The following TECPR2 variants were observed in gnomAD, a reference collection of about 807,000 sequenced individuals.
TECPR2 encodes tectonin beta-propeller repeat-containing protein 2.
TECPR2 carries 65 observed loss-of-function variants against 138.1 expected under a neutral mutation model. That is an observed-to-expected ratio of 0.47 (90% CI 0.39 to 0.58). The LOEUF is 0.58. Among genes scored for constraint, TECPR2 ranks in the 20% least tolerant of loss-of-function variants. The pLI is 0.00. For synonymous variants in TECPR2, 746 were observed against 749.8 expected (o/e 0.99, Z 0.08); for missense variants, 1,553 against 1,824.5 (o/e 0.85, Z 2.71).
At position 102,497,015 on chromosome 14, in the gene TECPR2, C is replaced by G. The variant is rs1353847125; in HGVS notation, c.3826C>G (p.Pro1276Ala). 6.2e-7 allele frequency: 1 copy of G among 1,613,972 alleles called. No individual in the cohort carries two copies. Among genetic ancestry groups the G allele is most frequent in the African/African-American group, 1.3e-5 (1 of 74,928 alleles). The part of the protein sequence containing the change: ...GVSLVSVHSS[P>A]NDQMLWVLDS... Reference sequence around the variant, plus strand: ...CAGCTTGGTCAGCGTCCATTCCAGCCCCAACGACCAGATGCTGTGGGTGCT... The same window carrying G: ...CAGCTTGGTCAGCGTCCATTCCAGCGCCAACGACCAGATGCTGTGGGTGCT... Residue 1276 changes from proline to alanine, a missense_variant, in exon 18 of 20, where the codon CCC becomes GCC. Physicochemically the swap from Pro to Ala is conservative, Grantham distance 27 (BLOSUM62 -1). Coordinates refer to ENST00000359520, the MANE Select transcript of TECPR2 (RefSeq NM_014844.5).
rs1415171184 is a variant in TECPR2, at chr14:102,415,027, C to T, written c.638+234C>T. ...GAGCTGTAGGAGCCTGCACACACAG[C>T]CACTCTGCCTCTCAGGGTGCCACAG... On this transcript the variant is annotated intron_variant, in intron 5 of 19. Transcript: ENST00000359520. This position sits in a 1 kb window ranked among gnomAD's most constrained non-coding sequence, Gnocchi z 4.3. Among the ~76,000 whole-genome samples the T allele has an allele frequency of 6.6e-6, 1 of 152,190 alleles. No homozygotes were observed. Among genetic ancestry groups the T allele is most frequent in the Non-Finnish European group, 1.5e-5 (1 of 68,040 alleles).
rs1193211122 is a variant in TECPR2, at chr14:102,425,196, G to A, written c.856G>A (p.Glu286Lys). The part of the protein sequence containing the change: ...SPNSGSCSLP[E>K]RHLGLVSCFF... ...CAACAGTGGAAGTTGCAGCTTACCT[G>A]AGAGGCACCTGGGGCTTGTTTCATG... Residue 286 changes from glutamate (E) to lysine (K), a missense_variant, in exon 6 of 20, where the codon GAG (glutamate) becomes AAG (lysine). Coordinates refer to ENST00000359520, the MANE Select transcript of TECPR2 (RefSeq NM_014844.5). 6.2e-7 allele frequency: 1 copy of A among 1,614,182 alleles called. No homozygotes were observed. The highest frequency in any genetic ancestry group is 2.2e-5 in the East Asian group (1 of 44,880).
At chr14:102,390,869 A>G (rs1301881645) in intron 2 of TECPR2, among the ~76,000 whole-genome samples, 2 of 152,076 alleles carry the variant, frequency 1.3e-5, no homozygotes, top group Non-Finnish European at 2.9e-5. Context: ...ACTTCAATGT[A>G]AAATAATAAA....
chr14:102,425,097 G>A lies in TECPR2; in HGVS notation c.757G>A (p.Ala253Thr). 6.2e-7 allele frequency: 1 copy of A among 1,614,180 alleles called. No individual in the cohort carries two copies. The highest frequency in any genetic ancestry group is 8.5e-7 in the Non-Finnish European group (1 of 1,180,042). The change falls in exon 6 of 20, where the codon GCC (alanine) becomes ACC (threonine). Residue 253 changes from alanine (A) to threonine (T), a missense_variant. Physicochemically the swap from Ala to Thr is moderately conservative, Grantham distance 58. Transcript: ENST00000359520. The stretch of plus-strand genomic sequence containing the variant: ...GGCTGATGTCCACGGGACTGTTCAA[G>A]CCACGTTTATCTTAAAAGATGCTTT... ...WKADVHGTVQ[A>T]TFILKDAFAG...
At chr14:102,376,451 A>G (rs1828650041) in intron 1 of TECPR2, among the ~76,000 whole-genome samples, 199 bp from the exon 2 acceptor site, 1 of 152,214 alleles carries the variant, frequency 6.6e-6, no homozygotes, top group Non-Finnish European at 1.5e-5. Flanking sequence ...AACATAAATC[A>G]TAGAGGTCAG....
intron 16 of TECPR2, among the ~76,000 whole-genome samples, chr14:102,456,341 T>G (rs1890276232): frequency 6.6e-6 from 1 of 152,184 alleles, no homozygotes; most frequent in Admixed American, 6.5e-5. Flanking sequence ...TTTTGTTTAT[T>G]TGAGTTATCT....
rs75388636 is a variant in TECPR2, at chr14:102,392,470, C to T, written c.220-14868C>T. 7.0e-3 allele frequency among the ~76,000 whole-genome samples: 1,063 copies of T among 152,232 alleles called. 11 individuals carry two copies. The highest frequency in any genetic ancestry group is 0.021 in the African/African-American group (893 of 41,542). On this transcript the variant is annotated intron_variant, in intron 2 of 19. Transcript: ENST00000359520. ...TGACTAATTTGCTGTTCATTCCACC[C>T]AGTGACATTTTAAATTCTCTTGGAT...
chr14:102,438,326 C>T (rs1567342155), intron 10 of TECPR2, 121 bp downstream of exon 10: 27 of 1,277,244 alleles, frequency 2.1e-5, no homozygotes, highest in Non-Finnish European at 2.7e-5. Context: ...CTCACGCTGC[C>T]GTGCGTTCAC....
chr14:102,489,286 A>G (rs1162431803), intron 17 of TECPR2, among the ~76,000 whole-genome samples: 1 of 151,896 alleles, frequency 6.6e-6, no homozygotes, highest in Non-Finnish European at 1.5e-5. Flanking sequence ...TGCTCACCTG[A>G]TTTCTACCTG....
Position 102,438,216 on chromosome 14 carries a change from CCG to C in TECPR2, c.2578+13_2578+14del, listed in dbSNP as rs763824360. 1 of 871,694 alleles carries C rather than the reference CCG, an allele frequency of 1.1e-6. No individual in the cohort carries two copies. The highest frequency in any genetic ancestry group is 2.1e-5 in the South Asian group (1 of 47,288). The allele number at this position is 871,694 out of a possible 1,614,324, so 54.0% of individuals were successfully genotyped here. On this transcript the variant is annotated intron_variant, in intron 10 of 19. Transcript: ENST00000359520. ...CAGTCTCGCCCTCAGGTTCGCCTCC[CCG>C]CTCCCTGCTCCCGCTCCCTGCTCCC... is the stretch of plus-strand genomic sequence containing the variant.
chr14:102,401,404 A>C (rs1888472739), intron 2 of TECPR2, among the ~76,000 whole-genome samples: 1 of 145,588 alleles, frequency 6.9e-6, no homozygotes, highest in South Asian at 2.2e-4. Context: ...GCACCATTGC[A>C]CTCCAGCCTG....
chr14:102,495,463 GCT>G (rs1297073867), intron 17 of TECPR2, among the ~76,000 whole-genome samples: 1 of 152,174 alleles, frequency 6.6e-6, no homozygotes, highest in African/African-American at 2.4e-5. Context: ...TTGGGGAAGC[GCT>G]GTTCTAGGCT....
In TECPR2 at chr14:102,435,188, G is replaced by A. The variant is rs144074189; in HGVS notation, c.2371G>A (p.Ala791Thr). The change falls in exon 9 of 20, where the codon GCC becomes ACC. Residue 791 changes from alanine (A) to threonine (T), a missense_variant. Transcript: ENST00000359520. ...QDLSRLGAED[A>T]GLLKPDQFAE... ...CCTGAGCCGGCTGGGTGCAGAGGAC[G>A]CCGGGCTGCTCAAGCCAGATCAGGT... 55 of 1,611,040 alleles carry A rather than the reference G, an allele frequency of 3.4e-5. No individual in the cohort carries two copies. Among genetic ancestry groups the A allele is most frequent in the Middle Eastern group, 3.3e-4 (2 of 6,004 alleles).
chr14:102,391,054 T>A (rs1308207097), intron 2 of TECPR2, among the ~76,000 whole-genome samples: 2 of 152,094 alleles, frequency 1.3e-5, no homozygotes, highest in African/African-American at 2.4e-5. Flanking sequence ...TAGGTAAAAC[T>A]ATGGATTTGT....
chr14:102,423,938 A>C (rs1889248267), intron 5 of TECPR2, among the ~76,000 whole-genome samples: 1 of 152,236 alleles, frequency 6.6e-6, no homozygotes, highest in African/African-American at 2.4e-5. Flanking sequence ...GAATCAGAGC[A>C]GGGAAAGGAT....
chr14:102,447,681 C>T (rs1227585825), intron 13 of TECPR2, among the ~76,000 whole-genome samples: 3 of 152,118 alleles, frequency 2.0e-5, no homozygotes, highest in African/African-American at 4.8e-5. Flanking sequence ...ACTACAGGCA[C>T]GCACCACCAG....
chr14:102,406,189 C>A, intron 2 of TECPR2, among the ~76,000 whole-genome samples: 1 of 152,038 alleles, frequency 6.6e-6, no homozygotes, highest in Non-Finnish European at 1.5e-5. Context: ...TTGAATACCA[C>A]TGAAATGTAT....
At chr14:102,365,140 A>T (rs1176636801) in intron 1 of TECPR2, among the ~76,000 whole-genome samples, 1 of 152,248 alleles carries the variant, frequency 6.6e-6, no homozygotes, top group Admixed American at 6.5e-5. Context: ...AGAGAGATTC[A>T]TTCAACAAAC....
intron 2 of TECPR2, among the ~76,000 whole-genome samples, chr14:102,405,522 A>G (rs1205466690): frequency 6.6e-6 from 1 of 152,214 alleles, no homozygotes; most frequent in Non-Finnish European, 1.5e-5. Context: ...AAAGGAAATA[A>G]CAAGGGTTGG....
Sources: allele counts gnomAD v4.1 joint callset (sites outside exome capture counted in the v4.1 genomes callset), GRCh38; gene constraint gnomAD v4.1.1; non-coding constraint Gnocchi (gnomAD v3.1); transcripts MANE v1.5; gene names NCBI Gene and HGNC (gene_info 2026-07-23, HGNC 2026-07-21).